Variants in OSMR observed in about 807,000 individuals in gnomAD.
OSMR encodes the protein oncostatin M receptor, also known as oncostatin-M-specific receptor subunit beta.
A neutral mutation model predicts 99.9 loss-of-function variants in OSMR; 81 were observed. That is an observed-to-expected ratio of 0.81 (90% confidence interval 0.68 to 0.97). OSMR has a LOEUF of 0.97. Ranked by LOEUF, OSMR falls within the 50% of genes least tolerant of loss-of-function variation. OSMR has a pLI of 0.00. For synonymous variants in OSMR, 406 were observed against 410.4 expected (o/e 0.99, Z 0.13); for missense variants, 1,099 against 1,153.4 (o/e 0.95, Z 0.68).
At chr5:38,848,723 T>G (rs1740090315) in intron 1 of OSMR, among the ~76,000 whole-genome samples, 1 of 152,232 alleles carries the variant, frequency 6.6e-6, no homozygotes, top group African/African-American at 2.4e-5. Flanking sequence ...TTCCAAGTCT[T>G]AGAGATCTTT....
chr5:38,935,617 C>A lies in OSMR; in HGVS notation c.*2173C>A, dbSNP rs1382608559. The A allele has an allele frequency of 6.6e-6, 1 of 152,058 alleles. No homozygotes were observed. Among genetic ancestry groups the A allele is most frequent in the Non-Finnish European group, 1.5e-5 (1 of 68,010 alleles). The allele number at this position is 152,058 out of a possible 1,614,324, so 9.4% of individuals were successfully genotyped here. Reference sequence around the variant, plus strand: ...AAGTCATTTTTGCTATTGAAATAAACCTTAATTAAAATATTTCATCATCAC... The same window carrying A: ...AAGTCATTTTTGCTATTGAAATAAAACTTAATTAAAATATTTCATCATCAC... On this transcript the variant is annotated 3_prime_UTR_variant, in exon 18 of 18. Transcript: ENST00000274276.
At position 38,924,502 on chromosome 5, in the gene OSMR, G is replaced by T. The variant is rs1427271113; in HGVS notation, c.1951G>T (p.Glu651Ter). ...FTLSWKDYSTESQPGFIQGYH... is the reference protein window; with the variant it reads ...FTLSWKDYST ...TCTGAGTTGGAAAGATTACTCTACTGAATCTCAACCTGGTTTTATACAAGG... is the reference window on the plus strand; with the variant it reads ...TCTGAGTTGGAAAGATTACTCTACTTAATCTCAACCTGGTTTTATACAAGG... Residue 651 changes from glutamate (E) to a stop codon, truncating the protein, a stop_gained, in exon 14 of 18, where the codon GAA becomes TAA. Coordinates refer to ENST00000274276, the MANE Select transcript of OSMR (RefSeq NM_003999.3). LOFTEE classifies it high-confidence loss of function. The T allele has an allele frequency of 1.2e-6, 2 of 1,613,896 alleles. No homozygotes were observed.
intron 9 of OSMR, among the ~76,000 whole-genome samples, chr5:38,908,752 CAT>C (rs887324938): frequency 2.0e-5 from 3 of 152,108 alleles, no homozygotes; most frequent in Non-Finnish European, 4.4e-5. Flanking sequence ...TAACATAAAA[CAT>C]AAAACAAAAC....
intron 7 of OSMR, among the ~76,000 whole-genome samples, chr5:38,893,083 A>G (rs1744263327): frequency 6.6e-6 from 1 of 152,218 alleles, no homozygotes; most frequent in Admixed American, 6.5e-5. Flanking sequence ...AGCACTTCAC[A>G]GTAAACACAG....
Position 38,933,554 on chromosome 5 carries a change from C to G in OSMR, c.*110C>G. 1 of 1,243,560 alleles carries G rather than the reference C, an allele frequency of 8.0e-7. No homozygotes were observed. Among genetic ancestry groups the G allele is most frequent in the Non-Finnish European group, 1.2e-6 (1 of 862,216 alleles). The allele number at this position is 1,243,560 out of a possible 1,614,324, so 77.0% of individuals were successfully genotyped here. On this transcript the variant is annotated 3_prime_UTR_variant, in exon 18 of 18. Coordinates refer to ENST00000274276, the MANE Select transcript of OSMR (RefSeq NM_003999.3). The stretch of plus-strand genomic sequence containing the variant: ...CTTAATCCCAGTACGATTTGCAGGT[C>G]TGGTTTATATAAGACCACTACAGTC...
chr5:38,945,254 C>T (rs1458672637), downstream of OSMR: 2 of 617,252 alleles, frequency 3.2e-6, no homozygotes, highest in Non-Finnish European at 5.6e-6. Flanking sequence ...AGGGCCTGGA[C>T]AGGGCTGTTC....
chr5:38,863,404 G>T (rs1741670154), intron 1 of OSMR, among the ~76,000 whole-genome samples: 1 of 151,268 alleles, frequency 6.6e-6, no homozygotes, highest in Non-Finnish European at 1.5e-5. Flanking sequence ...GGGCATGGTG[G>T]CATGTGCCTG....
intron 7 of OSMR, among the ~76,000 whole-genome samples, chr5:38,890,675 A>G (rs1212472989): frequency 6.6e-6 from 1 of 151,996 alleles, no homozygotes; most frequent in African/African-American, 2.4e-5. Flanking sequence ...GAAATTAGCA[A>G]CAGTAGAATA....
chr5:38,917,693 T>A, intron 10 of OSMR, 71 bp downstream of exon 10: 1 of 1,244,138 alleles, frequency 8.0e-7, no homozygotes, highest in South Asian at 1.2e-5. Flanking sequence ...TGTGTCTTCC[T>A]CTGGAGAACT....
intron 9 of OSMR, among the ~76,000 whole-genome samples, chr5:38,910,461 A>G (rs1745501808): frequency 6.6e-6 from 1 of 152,226 alleles, no homozygotes; most frequent in Non-Finnish European, 1.5e-5. Flanking sequence ...ACAATTAGAC[A>G]TAAAACAATC....
chr5:38,931,697 T>C, intron 15 of OSMR, 186 bp from the exon 16 acceptor site: 1 of 803,400 alleles, frequency 1.2e-6, no homozygotes, highest in Non-Finnish European at 1.5e-6. Context: ...TGGCTTCCTG[T>C]GTTGGTTGGC....
chr5:38,931,247 C>T (rs567375449), intron 15 of OSMR, among the ~76,000 whole-genome samples: 1 of 152,146 alleles, frequency 6.6e-6, no homozygotes, highest in African/African-American at 2.4e-5. Flanking sequence ...CCCTCAAAAG[C>T]TCCGTGGCAT....
chr5:38,854,124 A>G (rs1304655689), intron 1 of OSMR, among the ~76,000 whole-genome samples: 1 of 152,162 alleles, frequency 6.6e-6, no homozygotes, highest in Non-Finnish European at 1.5e-5. Flanking sequence ...ACTGCTGCAC[A>G]GGACTCTTTC....
chr5:38,909,518 C>T (rs777241638), intron 9 of OSMR, among the ~76,000 whole-genome samples: 8 of 152,186 alleles, frequency 5.3e-5, no homozygotes, highest in Non-Finnish European at 1.2e-4. Context: ...AACCCCATCA[C>T]GCTAACAGTG....
chr5:38,942,937 T>C (rs1050183137), intron 1 of OSMR: 4 of 1,606,046 alleles, frequency 2.5e-6, no homozygotes, highest in Non-Finnish European at 3.4e-6. Context: ...TAAAGGCATA[T>C]GTCATCAAAT....
chr5:38,898,921 A>G (rs1744697652), intron 7 of OSMR, among the ~76,000 whole-genome samples: 1 of 126,670 alleles, frequency 7.9e-6, no homozygotes, highest in Non-Finnish European at 1.7e-5. Flanking sequence ...CTACTTTTTA[A>G]CTTTTTGTTG....
At position 38,925,360 on chromosome 5, in the gene OSMR, C is replaced by T. The variant is rs199888879; in HGVS notation, c.2201C>T (p.Pro734Leu). 1.7e-5 allele frequency: 28 copies of T among 1,613,562 alleles called. No homozygotes were observed. In the Admixed American group the frequency reaches 2.5e-4, roughly 14 times the overall value. ...PSATFTKVTT[P>L]DEHSSMLIHI... ...GCTACGTTCACGAAGGTCACGACTC[C>T]GGATGAACACTGTGAGTTTTCCCAA... Residue 734 changes from proline (P) to leucine (L), a missense_variant, in exon 15 of 18, where the codon CCG becomes CTG. Coordinates refer to ENST00000274276, the MANE Select transcript of OSMR (RefSeq NM_003999.3).
intron 12 of OSMR, 29 bp from the exon 13 acceptor site, chr5:38,923,121 T>A (rs755403626): frequency 3.7e-6 from 6 of 1,612,392 alleles, no homozygotes; most frequent in Non-Finnish European, 5.1e-6. Flanking sequence ...CATTCTGTTA[T>A]TAAAAATCTG....
intron 7 of OSMR, 91 bp downstream of exon 7, chr5:38,886,281 G>C: frequency 6.2e-7 from 1 of 1,604,096 alleles, no homozygotes; most frequent in South Asian, 1.1e-5. Flanking sequence ...GTAGATCTTT[G>C]CCTCATTCAC....
Sources: gnomAD v4.1 joint callset for allele counts (sites outside exome capture counted in the v4.1 genomes callset) on GRCh38, gnomAD v4.1.1 for gene constraint, MANE v1.5 for transcripts, NCBI Gene and HGNC (gene_info 2026-07-23, HGNC 2026-07-21) for gene names.